STXBP5L: variants seen among roughly 807,000 people sequenced by gnomAD.
The protein encoded by STXBP5L is syntaxin binding protein 5L.
Under a neutral mutation model 144.5 loss-of-function variants are expected in STXBP5L, and 65 were observed. The ratio of observed to expected loss-of-function variants is 0.45; its 90% CI spans 0.37 to 0.55. STXBP5L has a LOEUF of 0.55. STXBP5L is among the 20% of genes least tolerant of loss of function. The pLI is 0.00. For synonymous variants in STXBP5L, 505 were observed against 469.6 expected (o/e 1.08, Z -0.97); for missense variants, 1,298 against 1,405.5 (o/e 0.92, Z 1.22).
At chr3:121,103,606 G>A (rs1044692709) in intron 5 of STXBP5L, among the ~76,000 whole-genome samples, 6 of 152,070 alleles carry the variant, frequency 3.9e-5, no homozygotes, top group Admixed American at 3.3e-4. Context: ...TACCCATGCA[G>A]CACACCTATA....
intron 3 of STXBP5L, among the ~76,000 whole-genome samples, chr3:120,976,013 TG>T (rs1490440532): frequency 6.6e-6 from 1 of 152,124 alleles, no homozygotes; most frequent in Admixed American, 6.6e-5. Flanking sequence ...CTCTTTTTTT[TG>T]TTGTGTCTCT....
chr3:120,975,985 G>T (rs1485273109), intron 3 of STXBP5L, among the ~76,000 whole-genome samples: 2 of 151,144 alleles, frequency 1.3e-5, no homozygotes, highest in African/African-American at 4.9e-5. Flanking sequence ...TGTTCATCAA[G>T]GATATTGGTC....
At chr3:121,316,844 T>C (rs987692321) in intron 19 of STXBP5L, among the ~76,000 whole-genome samples, 3 of 152,192 alleles carry the variant, frequency 2.0e-5, no homozygotes, top group Admixed American at 1.3e-4. Context: ...TCTCTGCCCA[T>C]TTTTTCACTG....
At chr3:121,191,954 G>A (rs2047707687) in intron 9 of STXBP5L, among the ~76,000 whole-genome samples, 1 of 151,842 alleles carries the variant, frequency 6.6e-6, no homozygotes, top group African/African-American at 2.4e-5. Context: ...TTTGGGGTGG[G>A]GGATGGGGGG....
intron 5 of STXBP5L, among the ~76,000 whole-genome samples, chr3:121,081,195 C>A (rs887136355): frequency 5.9e-5 from 9 of 151,940 alleles, no homozygotes; most frequent in Non-Finnish European, 1.2e-4. Context: ...TATTTTATTT[C>A]CAGAAGTTGT....
chr3:121,171,214 A>G (rs1185133666), intron 9 of STXBP5L, among the ~76,000 whole-genome samples: 2 of 152,240 alleles, frequency 1.3e-5, no homozygotes, highest in Non-Finnish European at 2.9e-5. Flanking sequence ...GTAACTTACA[A>G]TAATAAGAGC....
chr3:121,319,739 G>A (rs531822192), intron 20 of STXBP5L, among the ~76,000 whole-genome samples: 2 of 152,126 alleles, frequency 1.3e-5, no homozygotes, highest in South Asian at 4.1e-4. Flanking sequence ...ATATTACTTT[G>A]ATCATATTTT....
intron 19 of STXBP5L, among the ~76,000 whole-genome samples, chr3:121,292,181 A>C (rs1172598523): frequency 6.6e-6 from 1 of 152,110 alleles, no homozygotes; most frequent in Admixed American, 6.6e-5. Flanking sequence ...AATCTATAGG[A>C]ACTCAAATCA....
intron 5 of STXBP5L, among the ~76,000 whole-genome samples, chr3:121,077,474 C>T (rs562546673): frequency 7.2e-5 from 11 of 152,196 alleles, no homozygotes; most frequent in South Asian, 6.2e-4. Context: ...CAGACCTTCA[C>T]GGTGAGTGTT....
At chr3:121,206,492 G>C (rs1346634294) in intron 10 of STXBP5L, among the ~76,000 whole-genome samples, 1 of 152,054 alleles carries the variant, frequency 6.6e-6, no homozygotes, top group Non-Finnish European at 1.5e-5. Flanking sequence ...ATAATATTTA[G>C]TAAAATATTA....
chr3:121,000,737 G>A (rs1943706871), intron 3 of STXBP5L, among the ~76,000 whole-genome samples: 1 of 152,166 alleles, frequency 6.6e-6, no homozygotes, highest in African/African-American at 2.4e-5. Context: ...CATCTGTGTG[G>A]GCTGATGTTC....
At chr3:121,334,596 AT>A (rs1410408736) in intron 20 of STXBP5L, among the ~76,000 whole-genome samples, 1 of 151,698 alleles carries the variant, frequency 6.6e-6, no homozygotes, top group African/African-American at 2.4e-5. Flanking sequence ...TCTCAAAAAA[AT>A]ACGTGCAAAT....
chr3:121,267,631 C>T lies in STXBP5L; in HGVS notation c.1958+8463C>T, dbSNP rs550923085. On this transcript the variant is annotated intron_variant, in intron 18 of 26. Transcript: ENST00000471454. The stretch of plus-strand genomic sequence containing the variant: ...CATCGGAGTGACCAGGCAACCTACA[C>T]ACTGGGTGAAAATTTTTGCAATCTA... Among the ~76,000 whole-genome samples the T allele has an allele frequency of 3.5e-4, 54 of 152,192 alleles. 1 individual carries two copies. The South Asian group carries it at 0.011, about 30-fold the overall frequency.
intron 19 of STXBP5L, among the ~76,000 whole-genome samples, chr3:121,301,073 A>C (rs928697518): frequency 4.6e-5 from 7 of 152,100 alleles, no homozygotes; most frequent in African/African-American, 7.2e-5. Flanking sequence ...GTTTTTTCCA[A>C]TTCTGTGAAA....
rs1034673720 is a variant in STXBP5L, at chr3:121,381,402, G to C, written c.2457G>C (p.Arg819=). ...TATACTTCATGGACTCCTTTGCACG[G>C]AAAAATGACTCTACCATCTCTCCTT... The part of the protein sequence containing the change: ...TALYFMDSFA[R]KNDSTISPCL... Residue 819 remains arginine, a synonymous_variant, in exon 22 of 27, where the codon CGG becomes CGC. Transcript: ENST00000471454. 2 of 1,609,930 alleles carry C rather than the reference G, an allele frequency of 1.2e-6. No homozygotes were observed. Among genetic ancestry groups the C allele is most frequent in the Admixed American group, 3.4e-5 (2 of 58,930 alleles).
At chr3:121,200,876 A>T (rs1215683480) in intron 9 of STXBP5L, among the ~76,000 whole-genome samples, 1 of 152,098 alleles carries the variant, frequency 6.6e-6, no homozygotes, top group African/African-American at 2.4e-5. Flanking sequence ...ATTCATTTGC[A>T]TTTGCTGAGG....
chr3:121,403,421 C>T (rs188887653), intron 22 of STXBP5L, among the ~76,000 whole-genome samples: 3 of 152,232 alleles, frequency 2.0e-5, no homozygotes, highest in Admixed American at 6.5e-5. Flanking sequence ...TAGACTTTAC[C>T]TGCTTTCACC....
At chr3:121,318,592 G>A (rs779174178) in intron 20 of STXBP5L, 52 bp downstream of exon 20, 20 of 1,210,914 alleles carry the variant, frequency 1.7e-5, no homozygotes, top group Admixed American at 2.5e-5. Flanking sequence ...GCAGTAATCT[G>A]TTGCTTTATT....
At chr3:121,260,123 T>C in intron 18 of STXBP5L, among the ~76,000 whole-genome samples, 1 of 152,228 alleles carries the variant, frequency 6.6e-6, no homozygotes, top group South Asian at 2.1e-4. Context: ...AATCAAACTT[T>C]CCATCCTGGT....
Sources: gnomAD v4.1 joint callset for allele counts (sites outside exome capture counted in the v4.1 genomes callset) on GRCh38, gnomAD v4.1.1 for gene constraint, MANE v1.5 for transcripts, NCBI Gene and HGNC (gene_info 2026-07-23, HGNC 2026-07-21) for gene names.